Variants in GRXCR1 observed in about 807,000 individuals in gnomAD.
GRXCR1 encodes the protein glutaredoxin domain-containing cysteine-rich protein 1.
Under a neutral mutation model 27.3 loss-of-function variants are expected in GRXCR1, and 27 were observed. That is an observed-to-expected ratio of 0.99 (90% CI 0.73 to 1.37). The LOEUF is 1.37. GRXCR1 is among the 40% of genes most tolerant of loss of function. GRXCR1 has a pLI of 0.00. For synonymous variants in GRXCR1, 122 were observed against 131.1 expected, an observed-to-expected ratio of 0.93 and a Z score of 0.47; for missense variants, 379 against 354.4, an observed-to-expected ratio of 1.07 and a Z score of -0.56.
chr4:42,961,240 C>T (rs373235588), intron 1 of GRXCR1, among the ~76,000 whole-genome samples: 13 of 151,956 alleles, frequency 8.6e-5, no homozygotes, highest in South Asian at 6.2e-4. Flanking sequence ...TTTCTTTATC[C>T]GGGCTATCAT....
At chr4:42,950,634 T>C (rs150854768) in intron 1 of GRXCR1, among the ~76,000 whole-genome samples, 9 of 152,328 alleles carry the variant, frequency 5.9e-5, no homozygotes, top group African/African-American at 1.7e-4. Context: ...CTTTGGGTAG[T>C]AGTGATAGAT....
chr4:42,997,229 G>A (rs991897617), intron 2 of GRXCR1, among the ~76,000 whole-genome samples: 2 of 152,042 alleles, frequency 1.3e-5, no homozygotes, highest in African/African-American at 4.8e-5. Flanking sequence ...AATTTGGTTT[G>A]CTTTTTTTCC....
At chr4:42,994,364 T>C (rs1712077502) in intron 2 of GRXCR1, among the ~76,000 whole-genome samples, 1 of 152,068 alleles carries the variant, frequency 6.6e-6, no homozygotes, top group Admixed American at 6.6e-5. Flanking sequence ...TACCACAGAG[T>C]GCAAGGTAAT....
At chr4:42,949,668 C>A (rs1237022321) in intron 1 of GRXCR1, among the ~76,000 whole-genome samples, 1 of 152,144 alleles carries the variant, frequency 6.6e-6, no homozygotes, top group Non-Finnish European at 1.5e-5. Context: ...TATTAGCTTT[C>A]TGCACCAACC....
At chr4:42,899,515 T>A (rs1441611254) in intron 1 of GRXCR1, among the ~76,000 whole-genome samples, 1 of 152,164 alleles carries the variant, frequency 6.6e-6, no homozygotes, top group African/African-American at 2.4e-5. Context: ...AGGCCAATGC[T>A]TATATTTTTC....
intron 1 of GRXCR1, among the ~76,000 whole-genome samples, chr4:42,947,064 TG>T (rs1309065335): frequency 1.3e-5 from 2 of 151,902 alleles, no homozygotes; most frequent in Non-Finnish European, 2.9e-5. Flanking sequence ...GAATTCAAGG[TG>T]TAGGAAGTAT....
intron 1 of GRXCR1, among the ~76,000 whole-genome samples, chr4:42,915,390 T>C (rs1482187015): frequency 6.6e-6 from 1 of 152,218 alleles, no homozygotes; most frequent in Non-Finnish European, 1.5e-5. Flanking sequence ...AGAGCTCATT[T>C]TCTTCACAGA....
At chr4:42,894,590 A>G (rs972697365) in intron 1 of GRXCR1, among the ~76,000 whole-genome samples, 2 of 152,126 alleles carry the variant, frequency 1.3e-5, no homozygotes, top group African/African-American at 4.8e-5. Flanking sequence ...GAGGATTTCA[A>G]TGAAAGTACT....
At chr4:42,932,827 T>C (rs758977430) in intron 1 of GRXCR1, among the ~76,000 whole-genome samples, 7 of 151,544 alleles carry the variant, frequency 4.6e-5, no homozygotes, top group Non-Finnish European at 7.4e-5. Context: ...TAAGTGCTCC[T>C]GAGTTTGAGA....
chr4:42,986,804 T>G (rs796609839), intron 2 of GRXCR1, among the ~76,000 whole-genome samples: 4 of 152,196 alleles, frequency 2.6e-5, no homozygotes, highest in African/African-American at 9.6e-5. Flanking sequence ...GGTAGTCCTC[T>G]CTCATGTGGG....
intron 2 of GRXCR1, among the ~76,000 whole-genome samples, chr4:43,013,161 G>T (rs1712814565): frequency 6.6e-6 from 1 of 152,014 alleles, no homozygotes; most frequent in African/African-American, 2.4e-5. Context: ...CCTATTATTG[G>T]GTATGTAGCA....
intron 1 of GRXCR1, among the ~76,000 whole-genome samples, chr4:42,949,625 T>C (rs760387241): frequency 9.2e-5 from 14 of 152,132 alleles, no homozygotes; most frequent in Non-Finnish European, 1.3e-4. Context: ...CTACCTTACT[T>C]ATAGAGTTAA....
intron 2 of GRXCR1, among the ~76,000 whole-genome samples, chr4:42,970,575 C>T (rs1214872940): frequency 6.6e-6 from 1 of 152,118 alleles, no homozygotes; most frequent in African/African-American, 2.4e-5. Flanking sequence ...TATTTTGTCC[C>T]CTTTTAGCCA....
chr4:42,945,532 A>C (rs553384530), intron 1 of GRXCR1, among the ~76,000 whole-genome samples: 5 of 152,136 alleles, frequency 3.3e-5, no homozygotes, highest in Non-Finnish European at 5.9e-5. Context: ...CACAGCTTTG[A>C]AAATAGAGAG....
chr4:43,024,668 C>G (rs1267389888), intron 3 of GRXCR1, among the ~76,000 whole-genome samples: 22 of 152,156 alleles, frequency 1.4e-4, no homozygotes. Flanking sequence ...CTCAACTCTG[C>G]AAATTAAGGA....
intron 2 of GRXCR1, among the ~76,000 whole-genome samples, chr4:42,997,685 C>T (rs1712218637): frequency 6.6e-6 from 1 of 152,176 alleles, no homozygotes; most frequent in Admixed American, 6.5e-5. Context: ...GGCCCGGAAT[C>T]AGAAAACTAG....
intron 2 of GRXCR1, among the ~76,000 whole-genome samples, chr4:42,999,324 A>G (rs1712274289): frequency 6.6e-6 from 1 of 152,184 alleles, no homozygotes; most frequent in Admixed American, 6.5e-5. Flanking sequence ...GTGAGGAGAG[A>G]CAAAGGAGGG....
chr4:43,006,959 C>T (rs1056526138), intron 2 of GRXCR1, among the ~76,000 whole-genome samples: 4 of 152,098 alleles, frequency 2.6e-5, no homozygotes, highest in Non-Finnish European at 5.9e-5. Context: ...TAGAAAAGAA[C>T]CTACATGACT....
intron 2 of GRXCR1, among the ~76,000 whole-genome samples, chr4:42,976,546 C>T (rs1577928263): frequency 6.6e-6 from 1 of 151,926 alleles, no homozygotes; most frequent in Admixed American, 6.6e-5. Context: ...CCCACGAAAC[C>T]AGCACCCAGG....
Sources: gnomAD v4.1 joint callset for allele counts (sites outside exome capture counted in the v4.1 genomes callset) on GRCh38, gnomAD v4.1.1 for gene constraint, MANE v1.5 for transcripts, NCBI Gene and HGNC (gene_info 2026-07-23, HGNC 2026-07-21) for gene names.